ANKRD18A: variants seen among roughly 807,000 people sequenced by gnomAD.
ANKRD18A encodes ankyrin repeat domain 18A, also known as ankyrin repeat domain-containing protein 18A.
Under a neutral mutation model 110.6 loss-of-function variants are expected in ANKRD18A, and 72 were observed. The observed-to-expected ratio is 0.65, with a 90% CI of 0.54 to 0.79. The LOEUF is 0.79. Among genes scored for constraint, ANKRD18A ranks in the 30% least tolerant of loss-of-function variants. The pLI, the probability that ANKRD18A is intolerant of heterozygous loss-of-function variation, is 0.00. For synonymous variants in ANKRD18A, 305 were observed against 410.3 expected (o/e 0.74, Z 3.10); for missense variants, 934 against 1,163.3 (o/e 0.80, Z 2.87).
In ANKRD18A at chr9:38,571,751, T is replaced by C; in HGVS notation, c.*294A>G. The C allele has an allele frequency of 9.2e-7, 1 of 1,083,268 alleles. No homozygotes were observed. Among genetic ancestry groups the C allele is most frequent in the Non-Finnish European group, 1.1e-6 (1 of 892,810 alleles). 67.1% of individuals were successfully genotyped at this position (1,083,268 alleles called of 1,614,324 possible). A position where few individuals can be genotyped will look rare whatever the true frequency, so the allele number is the denominator to read the frequency against. On this transcript the variant is annotated 3_prime_UTR_variant, in exon 16 of 16. Transcript: ENST00000399703. ...GGCAATTTGAGTAGGCCAAACTCAATAACGCTGGTGTTCATTTGCAAGATC... is the reference window on the plus strand; with the variant it reads ...GGCAATTTGAGTAGGCCAAACTCAACAACGCTGGTGTTCATTTGCAAGATC...
At chr9:38,591,470 T>G (rs1439629103) in intron 10 of ANKRD18A, among the ~76,000 whole-genome samples, 2 of 152,226 alleles carry the variant, frequency 1.3e-5, no homozygotes, top group Admixed American at 6.5e-5. Flanking sequence ...GGGACTGACA[T>G]GAAGCACTTA....
chr9:38,575,749 A>T, intron 14 of ANKRD18A, 51 bp from the exon 15 acceptor site: 1 of 1,492,724 alleles, frequency 6.7e-7, no homozygotes. Flanking sequence ...TCCTTGAATG[A>T]TTCTTAATGA....
intron 12 of ANKRD18A, among the ~76,000 whole-genome samples, chr9:38,579,328 T>C (rs1267643875): frequency 6.6e-6 from 1 of 152,084 alleles, no homozygotes; most frequent in Non-Finnish European, 1.5e-5. Flanking sequence ...AACAAACAAA[T>C]GATAGACAAA....
At chr9:38,586,355 T>A (rs763517733) in intron 11 of ANKRD18A, 43 bp from the exon 12 acceptor site, 1 of 1,435,204 alleles carries the variant, frequency 7.0e-7, no homozygotes, top group South Asian at 1.3e-5. Flanking sequence ...TTTTTAAGAG[T>A]AAATATTTAA....
chr9:38,575,284 G>A (rs1463398807), intron 15 of ANKRD18A, among the ~76,000 whole-genome samples, 192 bp downstream of exon 15: 4 of 152,046 alleles, frequency 2.6e-5, no homozygotes, highest in African/African-American at 9.7e-5. Flanking sequence ...TTAGCAAATG[G>A]GTGTCTCTTG....
At chr9:38,615,515 T>A in intron 3 of ANKRD18A, 79 bp downstream of exon 3, 1 of 1,444,026 alleles carries the variant, frequency 6.9e-7, no homozygotes, top group African/African-American at 1.4e-5. Context: ...AATACTTGAG[T>A]TCCAAATATG....
intron 15 of ANKRD18A, 87 bp downstream of exon 15, chr9:38,575,389 T>A: frequency 1.5e-6 from 2 of 1,324,990 alleles, no homozygotes; most frequent in Non-Finnish European, 2.0e-6. Flanking sequence ...CATGCGTAAG[T>A]CAACAGAACT....
intron 12 of ANKRD18A, among the ~76,000 whole-genome samples, chr9:38,579,070 G>T (rs1286707549): frequency 1.3e-5 from 2 of 152,108 alleles, no homozygotes; most frequent in Admixed American, 1.3e-4. Flanking sequence ...TTGGAATAAG[G>T]TGCCAAGAAC....
chr9:38,578,179 T>A, intron 12 of ANKRD18A, 31 bp from the exon 13 acceptor site: 1 of 1,516,312 alleles, frequency 6.6e-7, no homozygotes, highest in Non-Finnish European at 8.8e-7. Flanking sequence ...AGCTTGATAA[T>A]GAAGTAGGCT....
In ANKRD18A at chr9:38,575,563, G is replaced by A; in HGVS notation, c.2877C>T (p.Leu959=). 1.9e-6 allele frequency: 3 copies of A among 1,551,460 alleles called. No individual in the cohort carries two copies. The highest frequency in any genetic ancestry group is 1.2e-5 in the South Asian group (1 of 84,042). ...CCGTTTTGGGAATATATTTTCTGTTGAGTTCTATACTATTAAGATTTTCAA... is the reference window on the plus strand; with the variant it reads ...CCGTTTTGGGAATATATTTTCTGTTAAGTTCTATACTATTAAGATTTTCAA... ...PCVENLNSIE[L]NRKYIPKTAI... is the part of the protein sequence containing the mutation. The change falls in exon 15 of 16, where the codon CTC becomes CTT. Residue 959 remains leucine (L), a synonymous_variant. Transcript: ENST00000399703.
At position 38,578,261 on chromosome 9, in the gene ANKRD18A, T is replaced by G. The variant is rs1823997630; in HGVS notation, c.2248-113A>C. On this transcript the variant is annotated intron_variant, in intron 12 of 15. Transcript: ENST00000399703. Reference sequence around the variant, plus strand: ...ACTTGAAATAAAATGTTATCTATAATGTAGTAGATTCTTCAAATGTGAACC... The same window carrying G: ...ACTTGAAATAAAATGTTATCTATAAGGTAGTAGATTCTTCAAATGTGAACC... 6.9e-6 allele frequency: 7 copies of G among 1,020,320 alleles called. No homozygotes were observed. In the South Asian group the frequency reaches 9.6e-5, roughly 14 times the overall value. The allele number at this position is 1,020,320 out of a possible 1,614,324, so 63.2% of individuals were successfully genotyped here.
intron 6 of ANKRD18A, among the ~76,000 whole-genome samples, chr9:38,605,623 G>A (rs1017126281): frequency 2.0e-5 from 3 of 152,008 alleles, no homozygotes; most frequent in Admixed American, 1.3e-4. Flanking sequence ...AACAGAGTAT[G>A]GTTTTTTTTG....
intron 1 of ANKRD18A, among the ~76,000 whole-genome samples, chr9:38,616,972 A>T (rs1390897629): frequency 6.6e-6 from 1 of 152,192 alleles, no homozygotes; most frequent in Non-Finnish European, 1.5e-5. Flanking sequence ...GTAGGGTATC[A>T]CACAATCCAT....
Position 38,620,259 on chromosome 9 carries a change from T to C in ANKRD18A, c.27A>G (p.Arg9=). MRKLFSFG[R]RLGQALLSSM... ...AGCTCAGGAGCGCCTGGCCCAGGCGTCTCCCGAAGCTGAAGAGCTTCCTCA... is the reference window on the plus strand; with the variant it reads ...AGCTCAGGAGCGCCTGGCCCAGGCGCCTCCCGAAGCTGAAGAGCTTCCTCA... The change falls in exon 1 of 16, where the codon AGA becomes AGG. Residue 9 remains arginine (R), a synonymous_variant. Coordinates refer to ENST00000399703, the MANE Select transcript of ANKRD18A (RefSeq NM_147195.4). The C allele has an allele frequency of 6.4e-7, 1 of 1,550,784 alleles. No homozygotes were observed. Among genetic ancestry groups the C allele is most frequent in the Non-Finnish European group, 8.7e-7 (1 of 1,146,684 alleles).
intron 3 of ANKRD18A, among the ~76,000 whole-genome samples, chr9:38,613,474 T>TA (rs113471238): frequency 2.0e-5 from 3 of 152,122 alleles, no homozygotes; most frequent in East Asian, 1.9e-4. Context: ...GTATGTTTAA[T>TA]AAAAAAACTC....
intron 15 of ANKRD18A, among the ~76,000 whole-genome samples, chr9:38,573,934 G>A (rs931784873): frequency 5.9e-5 from 9 of 151,400 alleles, no homozygotes; most frequent in African/African-American, 1.9e-4. Context: ...AAATTAAAGC[G>A]GTACCTGTGT....
chr9:38,586,105 T>A (rs545088963), intron 12 of ANKRD18A, 78 bp downstream of exon 12: 1 of 1,336,282 alleles, frequency 7.5e-7, no homozygotes, highest in Non-Finnish European at 1.0e-6. Context: ...ATGGCACACA[T>A]TTACCTATGT....
At chr9:38,568,789 T>C (rs1405182851), downstream of ANKRD18A, 32 of 985,212 alleles carry the variant, frequency 3.2e-5, no homozygotes, top group South Asian at 1.4e-3. Context: ...TAATGCTGAC[T>C]GCTGCTGGGG....
rs1004319107 is a variant in ANKRD18A at position 38,596,454 on chromosome 9, G to T, written c.937-51C>A. ...GTTAGCACTCAATAAAATAATCTATGATGGTTATTTCTGAAGTGAAAGAGC... is the reference window on the plus strand; with the variant it reads ...GTTAGCACTCAATAAAATAATCTATTATGGTTATTTCTGAAGTGAAAGAGC... On this transcript the variant is annotated intron_variant, in intron 8 of 15. Coordinates refer to ENST00000399703, the MANE Select transcript of ANKRD18A (RefSeq NM_147195.4). 6.8e-6 allele frequency: 9 copies of T among 1,329,732 alleles called. No individual in the cohort carries two copies. In the African/African-American group the frequency reaches 1.1e-4, roughly 16 times the overall value. 82.4% of individuals were successfully genotyped at this position (1,329,732 alleles called of 1,614,324 possible). A position where few individuals can be genotyped will look rare whatever the true frequency, so the allele number is the denominator to read the frequency against.
Sources: allele counts gnomAD v4.1 joint callset (sites outside exome capture counted in the v4.1 genomes callset), GRCh38; gene constraint gnomAD v4.1.1; transcripts MANE v1.5; gene names NCBI Gene and HGNC (gene_info 2026-07-23, HGNC 2026-07-21).